Variants in PTPN4 observed in about 807,000 individuals in gnomAD.
PTPN4 encodes the protein protein tyrosine phosphatase non-receptor type 4.
PTPN4 carries 49 observed loss-of-function variants against 135.5 expected under a neutral mutation model. The observed-to-expected ratio is 0.36, with a 90% confidence interval of 0.29 to 0.46. The LOEUF (loss-of-function observed/expected upper bound fraction) is 0.46, where lower values mean the gene tolerates loss of function less well. PTPN4 is among the 20% of genes least tolerant of loss of function. The pLI is 1.00. For synonymous variants in PTPN4, 333 were observed against 369.9 expected (o/e 0.90, Z 1.14); for missense variants, 860 against 1,101.0 (o/e 0.78, Z 3.10).
intron 2 of PTPN4, among the ~76,000 whole-genome samples, chr2:119,859,363 C>G (rs532017691): frequency 1.3e-5 from 2 of 152,260 alleles, no homozygotes; most frequent in South Asian, 4.1e-4. Flanking sequence ...GACTTTGGAT[C>G]GCATTTAATT....
At chr2:119,775,569 A>G (rs1440386725) in intron 1 of PTPN4, among the ~76,000 whole-genome samples, 4 of 152,218 alleles carry the variant, frequency 2.6e-5, no homozygotes, top group Non-Finnish European at 5.9e-5. Context: ...CTCATTACAC[A>G]TGATACTCTA....
intron 3 of PTPN4, among the ~76,000 whole-genome samples, chr2:119,868,419 T>A (rs1677862030): frequency 6.6e-6 from 1 of 152,220 alleles, no homozygotes; most frequent in Non-Finnish European, 1.5e-5. Context: ...TTGGAAATTT[T>A]CTTGTAAAAT....
intron 14 of PTPN4, among the ~76,000 whole-genome samples, chr2:119,933,674 A>G (rs1289042605): frequency 6.6e-6 from 1 of 151,984 alleles, no homozygotes; most frequent in Non-Finnish European, 1.5e-5. Flanking sequence ...AAAAAAAAAA[A>G]AAAAAAATCT....
At chr2:119,880,835 C>CT (rs201097174) in intron 5 of PTPN4, among the ~76,000 whole-genome samples, 76 of 151,092 alleles carry the variant, frequency 5.0e-4, no homozygotes, top group African/African-American at 1.3e-3. Flanking sequence ...TGTTTGTATT[C>CT]TTTTTTTTTG....
chr2:119,843,082 T>C (rs1677405845), intron 2 of PTPN4, among the ~76,000 whole-genome samples: 1 of 152,260 alleles, frequency 6.6e-6, no homozygotes, highest in Non-Finnish European at 1.5e-5. Flanking sequence ...TCTATTGATA[T>C]GATCATGTGA....
At chr2:119,923,367 G>A (rs1247202340) in intron 12 of PTPN4, among the ~76,000 whole-genome samples, 1 of 152,172 alleles carries the variant, frequency 6.6e-6, no homozygotes, top group Non-Finnish European at 1.5e-5. Context: ...GCAAGACCCT[G>A]TCTCTAAACA....
chr2:119,798,328 G>A (rs181911495), intron 1 of PTPN4, among the ~76,000 whole-genome samples: 6 of 152,096 alleles, frequency 3.9e-5, no homozygotes, highest in African/African-American at 1.4e-4. Flanking sequence ...CACCATGCCT[G>A]GCTAATTTTT....
chr2:119,807,565 A>G (rs1691496028), intron 1 of PTPN4, among the ~76,000 whole-genome samples: 1 of 152,256 alleles, frequency 6.6e-6, no homozygotes, highest in Non-Finnish European at 1.5e-5. Context: ...ACAGGCTCTG[A>G]AATTCAGGCA....
intron 1 of PTPN4, among the ~76,000 whole-genome samples, chr2:119,786,373 A>T (rs1691048174): frequency 6.6e-6 from 1 of 152,172 alleles, no homozygotes; most frequent in African/African-American, 2.4e-5. Flanking sequence ...CCCAGAATGT[A>T]ATGATTTAAA....
At chr2:119,817,506 C>T (rs181090903) in intron 2 of PTPN4, among the ~76,000 whole-genome samples, 1 of 152,068 alleles carries the variant, frequency 6.6e-6, no homozygotes, top group Admixed American at 6.6e-5. Flanking sequence ...GCTTTCTGTT[C>T]TGTTCCATTG....
At chr2:119,916,933 A>G (rs1369732311) in intron 11 of PTPN4, among the ~76,000 whole-genome samples, 2 of 152,196 alleles carry the variant, frequency 1.3e-5, no homozygotes, top group Non-Finnish European at 2.9e-5. Flanking sequence ...TGCCATTTCC[A>G]GGTTGGGGAT....
chr2:119,885,720 A>G (rs1574387557), intron 8 of PTPN4, 75 bp from the exon 9 acceptor site: 1 of 1,053,596 alleles, frequency 9.5e-7, no homozygotes, highest in Non-Finnish European at 1.4e-6. Context: ...TCAGATAAAT[A>G]GCCTTTTTCT....
chr2:119,767,709 T>A (rs1391399319), intron 1 of PTPN4, among the ~76,000 whole-genome samples: 1 of 152,248 alleles, frequency 6.6e-6, no homozygotes, highest in Non-Finnish European at 1.5e-5. Flanking sequence ...CAACTTAAGT[T>A]CATCCAGTGG....
chr2:119,938,341 A>G (rs1201335837), intron 15 of PTPN4, among the ~76,000 whole-genome samples: 2 of 151,738 alleles, frequency 1.3e-5, no homozygotes, highest in Non-Finnish European at 2.9e-5. Flanking sequence ...GTTAGCCAGG[A>G]TAGTCTCGAT....
intron 2 of PTPN4, among the ~76,000 whole-genome samples, chr2:119,824,282 G>A (rs945790927): frequency 2.0e-5 from 3 of 152,046 alleles, no homozygotes; most frequent in East Asian, 1.9e-4. Context: ...ACTCTTTTTG[G>A]GGGGGAGGCA....
At chr2:119,800,526 CT>C (rs70949371) in intron 1 of PTPN4, among the ~76,000 whole-genome samples, 93,841 of 142,202 alleles carry the variant, frequency 0.66, 31,012 homozygotes, top group East Asian at 0.81. Flanking sequence ...GTTTTGCAGG[CT>C]TTTTTTTTTT....
At chr2:119,866,642 A>T (rs931819539) in intron 3 of PTPN4, among the ~76,000 whole-genome samples, 1 of 152,082 alleles carries the variant, frequency 6.6e-6, no homozygotes, top group African/African-American at 2.4e-5. Context: ...CTAAGTTATG[A>T]CATATTTTTC....
chr2:119,902,359 C>CT (rs1447018580), intron 10 of PTPN4, among the ~76,000 whole-genome samples: 1 of 152,192 alleles, frequency 6.6e-6, no homozygotes, highest in Non-Finnish European at 1.5e-5. Context: ...GAAATAAAGA[C>CT]TTTCACACAC....
chr2:119,973,799 A>G (rs1022864776), intron 26 of PTPN4, among the ~76,000 whole-genome samples: 1 of 150,570 alleles, frequency 6.6e-6, no homozygotes, highest in Non-Finnish European at 1.5e-5. Context: ...TGGTACATGT[A>G]TGGCTTGAGC....
Sources: allele counts gnomAD v4.1 joint callset (sites outside exome capture counted in the v4.1 genomes callset), GRCh38; gene constraint gnomAD v4.1.1; transcripts MANE v1.5; gene names NCBI Gene and HGNC (gene_info 2026-07-23, HGNC 2026-07-21).